RPGRIP1L: variants seen among roughly 807,000 people sequenced by gnomAD.
RPGRIP1L encodes protein fantom.
In RPGRIP1L, 131 loss-of-function variants were observed where a neutral mutation model predicts 160.4. The observed-to-expected ratio is 0.82, with a 90% confidence interval of 0.71 to 0.94. The LOEUF (loss-of-function observed/expected upper bound fraction) is 0.94. Among genes scored for constraint, RPGRIP1L ranks in the 40% least tolerant of loss-of-function variants. RPGRIP1L has a pLI of 0.00. For missense variants in RPGRIP1L, 1,522 were observed against 1,535.8 expected (o/e 0.99, Z 0.15); for synonymous variants, 510 against 515.8 (o/e 0.99, Z 0.15).
At chr16:53,618,875 C>T in intron 24 of RPGRIP1L, 150 bp downstream of exon 24, 2 of 725,716 alleles carry the variant, frequency 2.8e-6, no homozygotes, top group Non-Finnish European at 4.5e-6. Flanking sequence ...CTTTATGCTA[C>T]TGGTTTGACT....
intron 25 of RPGRIP1L, among the ~76,000 whole-genome samples, chr16:53,610,643 T>G (rs1963971793): frequency 6.6e-6 from 1 of 152,220 alleles, no homozygotes; most frequent in African/African-American, 2.4e-5. Context: ...CCAAGGCATG[T>G]GACTCCAGAG....
chr16:53,602,131 G>A lies in RPGRIP1L; in HGVS notation c.3893C>T (p.Ala1298Val), dbSNP rs371501847. 5.0e-6 allele frequency: 8 copies of A among 1,613,896 alleles called. No homozygotes were observed. In the African/African-American group the frequency reaches 6.7e-5, roughly 13 times the overall value. The change falls in exon 27 of 27, where the codon GCT (alanine) becomes GTT (valine). Residue 1298 changes from alanine (A) to valine (V), a missense_variant. Coordinates refer to ENST00000647211, the MANE Select transcript of RPGRIP1L (RefSeq NM_015272.5). The part of the protein sequence containing the change: ...GIGKLRVTVE[A>V]LHALQSVYKQ... ...GTAGACAGACTGGAGGGCATGGAGA[G>A]CTTCGACTGTTACCCTGAGCTTGCC...
chr16:53,637,671 T>A, intron 21 of RPGRIP1L, 24 bp downstream of exon 21: 1 of 1,593,556 alleles, frequency 6.3e-7, no homozygotes, highest in Non-Finnish European at 8.5e-7. Flanking sequence ...AACTAAACAA[T>A]GTTAGTTTAA....
At chr16:53,703,372 A>G (rs989125157) in intron 1 of RPGRIP1L, 2 of 152,278 alleles carry the variant, frequency 1.3e-5, no homozygotes, top group Admixed American at 6.5e-5. Flanking sequence ...TTATGAAGCT[A>G]GCAAGTTATG....
At chr16:53,693,536 T>C (rs1437474605) in intron 3 of RPGRIP1L, 3 of 152,204 alleles carry the variant, frequency 2.0e-5, no homozygotes, top group African/African-American at 4.8e-5. Context: ...GAGCTATGCA[T>C]AACATAATCA....
chr16:53,693,042 GA>G (rs2151358528), intron 3 of RPGRIP1L, among the ~76,000 whole-genome samples: 1 of 152,276 alleles, frequency 6.6e-6, no homozygotes, highest in African/African-American at 2.4e-5. Flanking sequence ...TTATACCTTT[GA>G]TTCTTTTAAG....
intron 2 of RPGRIP1L, 72 bp downstream of exon 2, chr16:53,700,567 T>G: frequency 8.3e-7 from 1 of 1,200,224 alleles, no homozygotes; most frequent in Non-Finnish European, 1.2e-6. Context: ...TGTATGAGTA[T>G]AAGAAATACT....
rs1969055342 is a variant in RPGRIP1L at position 53,675,142 on chromosome 16, A to G, written c.777-20T>C. ...TTTGACCTTCAGAGTTGTGTTTAAGAAAAAGAGAGACAGAAGTAAAAAACG... is the reference window on the plus strand; with the variant it reads ...TTTGACCTTCAGAGTTGTGTTTAAGGAAAAGAGAGACAGAAGTAAAAAACG... On this transcript the variant is annotated intron_variant, in intron 6 of 26. Transcript: ENST00000647211. The G allele has an allele frequency of 6.4e-7, 1 of 1,550,736 alleles. No individual in the cohort carries two copies. Among genetic ancestry groups the G allele is most frequent in the Non-Finnish European group, 8.9e-7 (1 of 1,125,654 alleles).
chr16:53,653,248 AAAG>A (rs1966944566), intron 14 of RPGRIP1L: 6 of 904,022 alleles, frequency 6.6e-6, no homozygotes, highest in Non-Finnish European at 7.9e-6. Flanking sequence ...AAAAATATCA[AAAG>A]AAGAAAAGCG....
intron 19 of RPGRIP1L, among the ~76,000 whole-genome samples, chr16:53,640,411 T>A (rs1030060121): frequency 6.6e-6 from 1 of 152,224 alleles, no homozygotes; most frequent in Non-Finnish European, 1.5e-5. Flanking sequence ...GATGCTTTTT[T>A]AAAGCCATGT....
rs183216729 is a variant in RPGRIP1L at position 53,656,363 on chromosome 16, C to T, written c.1699+109G>A. On this transcript the variant is annotated intron_variant, in intron 14 of 26. Transcript: ENST00000647211. ...ATTCATGAGCTAGCTATGAATTAGG[C>T]GTAAACACAGCAAAAATACACTGTA... The T allele has an allele frequency of 2.8e-4, 228 of 821,596 alleles. 2 individuals carry two copies. Among genetic ancestry groups the T allele is most frequent in the Middle Eastern group, 1.1e-3 (5 of 4,462 alleles). The allele number at this position is 821,596 out of a possible 1,614,324, so 50.9% of individuals were successfully genotyped here. A position where few individuals can be genotyped will look rare whatever the true frequency, so the allele number is the denominator to read the frequency against.
intron 2 of RPGRIP1L, among the ~76,000 whole-genome samples, chr16:53,699,386 TAAAAAAAAAA>T (rs10652484): frequency 2.6e-5 from 2 of 77,452 alleles, no homozygotes; most frequent in Non-Finnish European, 5.0e-5. Context: ...GAATGATCAA[TAAAAAAAAAA>T]AAAAAAAAAA....
Position 53,638,421 on chromosome 16 carries a change from A to C in RPGRIP1L, c.2959-10T>G. 7.4e-7 allele frequency: 1 copy of C among 1,348,166 alleles called. No individual in the cohort carries two copies. Among genetic ancestry groups the C allele is most frequent in the East Asian group, 2.3e-5 (1 of 43,418 alleles). The allele number at this position is 1,348,166 out of a possible 1,614,324, so 83.5% of individuals were successfully genotyped here. On this transcript the variant is annotated splice_polypyrimidine_tract_variant and intron_variant, in intron 19 of 26. Transcript: ENST00000647211. ...GAGGAGGAGAAGTCTCCTTATATTA[A>C]TGTGAAAACACGCATGTATGTCATT...
chr16:53,635,461 A>C (rs1965783699), intron 22 of RPGRIP1L: 1 of 152,052 alleles, frequency 6.6e-6, no homozygotes, highest in Non-Finnish European at 1.5e-5. Context: ...GTTTTGCTTT[A>C]TTTCTTTATT....
intron 22 of RPGRIP1L, among the ~76,000 whole-genome samples, chr16:53,626,163 A>AG (rs1253314808): frequency 1.3e-5 from 2 of 151,458 alleles, no homozygotes; most frequent in Non-Finnish European, 2.9e-5. Context: ...AAAAAAAAAA[A>AG]AAAAAGAAAA....
chr16:53,695,734 G>C (rs887607285), intron 3 of RPGRIP1L: 1 of 367,300 alleles, frequency 2.7e-6, no homozygotes, highest in African/African-American at 2.1e-5. Context: ...CTGAAGTGAT[G>C]TTTTCATTAG....
chr16:53,622,995 G>A (rs544109833), intron 22 of RPGRIP1L, among the ~76,000 whole-genome samples: 19 of 152,152 alleles, frequency 1.2e-4, no homozygotes, highest in African/African-American at 4.3e-4. Flanking sequence ...GTGACAGGGT[G>A]AGACCCTGTC....
chr16:53,605,303 G>T, intron 26 of RPGRIP1L, 178 bp downstream of exon 26: 1 of 664,860 alleles, frequency 1.5e-6, no homozygotes, highest in South Asian at 1.7e-5. Context: ...CAGGGGGGAG[G>T]ACAGGAAAAG....
intron 6 of RPGRIP1L, among the ~76,000 whole-genome samples, chr16:53,683,724 G>T (rs1411870964): frequency 6.7e-6 from 1 of 150,326 alleles, no homozygotes; most frequent in African/African-American, 2.4e-5. Flanking sequence ...TCCAGAAAGG[G>T]AAAAAATAAT....
Sources: allele counts gnomAD v4.1 joint callset (sites outside exome capture counted in the v4.1 genomes callset), GRCh38; gene constraint gnomAD v4.1.1; transcripts MANE v1.5; gene names NCBI Gene and HGNC (gene_info 2026-07-23, HGNC 2026-07-21).